The following CBLN2 variants were observed in gnomAD, a reference collection of about 807,000 sequenced individuals.
CBLN2 encodes the protein cerebellin 2 precursor, also known as cerebellin-2.
A neutral mutation model predicts 15.0 loss-of-function variants in CBLN2; 7 were observed. The observed-to-expected ratio is 0.47, with a 90% CI of 0.27 to 0.88. CBLN2 has a LOEUF of 0.88. Among genes scored for constraint, CBLN2 ranks in the 40% least tolerant of loss-of-function variants. CBLN2 has a pLI of 0.14. For missense variants in CBLN2, 242 were observed against 304.5 expected, an observed-to-expected ratio of 0.79 and a Z score of 1.53; for synonymous variants, 149 against 135.2, an observed-to-expected ratio of 1.10 and a Z score of -0.71.
chr18:72,591,781 A>G (rs1471329663), intron 1 of CBLN2, among the ~76,000 whole-genome samples: 3 of 152,148 alleles, frequency 2.0e-5, no homozygotes, highest in East Asian at 1.9e-4. Flanking sequence ...ATTTCACTTA[A>G]CGTAATCTTC....
chr18:72,573,374 A>C (rs1454678852), intron 1 of CBLN2, among the ~76,000 whole-genome samples: 1 of 152,206 alleles, frequency 6.6e-6, no homozygotes, highest in Non-Finnish European at 1.5e-5. Flanking sequence ...AAACAGTAGG[A>C]GTGTCACACA....
chr18:72,614,908 T>G (rs1471259344), intron 1 of CBLN2, among the ~76,000 whole-genome samples: 1 of 150,930 alleles, frequency 6.6e-6, no homozygotes, highest in African/African-American at 2.4e-5. Context: ...AACATAGTTA[T>G]GTATTACAAG....
At chr18:72,635,042 T>A (rs542737736) in intron 1 of CBLN2, among the ~76,000 whole-genome samples, 1 of 152,318 alleles carries the variant, frequency 6.6e-6, no homozygotes, top group Admixed American at 6.5e-5. Flanking sequence ...ATGGGTTGTC[T>A]GAGCAATGCC....
rs1169851043 is a variant in CBLN2, at chr18:72,625,698, CTATA to C, written c.15+12623_15+12626del. Among the ~76,000 whole-genome samples the C allele has an allele frequency of 2.0e-3, 94 of 46,594 alleles. No individual in the cohort carries two copies. The East Asian group carries it at 0.028, about 14-fold the overall frequency. The allele number at this position is 46,594 out of a possible 152,430, so 30.6% of individuals were successfully genotyped here. On this transcript the variant is annotated intron_variant, in intron 1 of 2. Coordinates refer to the CBLN2 transcript ENST00000581073. ...TATAGTATTATTATATATAGTATTA[CTATA>C]TATATATATATATATATATATATAC... is the stretch of plus-strand genomic sequence containing the variant.
chr18:72,537,664 G>C lies in CBLN2; in HGVS notation c.*512C>G, dbSNP rs1166505435. 1 of 154,310 alleles carries C rather than the reference G, an allele frequency of 6.5e-6. No individual in the cohort carries two copies. Among genetic ancestry groups the C allele is most frequent in the Non-Finnish European group, 1.4e-5 (1 of 69,284 alleles). The allele number at this position is 154,310 out of a possible 1,614,324, so 9.6% of individuals were successfully genotyped here. A position where few individuals can be genotyped will look rare whatever the true frequency, so the allele number is the denominator to read the frequency against. ...CAAGTCCTCCCAGCCACATGGTGGG[G>C]GGAAGAATACAGAATGAAAGTGAAG... On this transcript the variant is annotated 3_prime_UTR_variant, in exon 5 of 5. Coordinates refer to ENST00000269503, the MANE Select transcript of CBLN2 (RefSeq NM_182511.4).
At chr18:72,554,549 A>G (rs2069211873) in intron 1 of CBLN2, among the ~76,000 whole-genome samples, 1 of 152,104 alleles carries the variant, frequency 6.6e-6, no homozygotes, top group African/African-American at 2.4e-5. Context: ...CACGTATCAT[A>G]ACACCATATT....
intron 1 of CBLN2, among the ~76,000 whole-genome samples, chr18:72,562,442 T>C (rs2069267854): frequency 6.6e-6 from 1 of 152,172 alleles, no homozygotes; most frequent in Non-Finnish European, 1.5e-5. Context: ...GAATGTTTTC[T>C]CTCCTCCAGA....
chr18:72,625,636 G>A (rs1326519736), intron 1 of CBLN2, among the ~76,000 whole-genome samples: 2 of 142,806 alleles, frequency 1.4e-5, no homozygotes, highest in Non-Finnish European at 3.0e-5. Flanking sequence ...TAAATATACA[G>A]TATTACTCTA....
chr18:72,547,603 T>G (rs2069166745), upstream of CBLN2, among the ~76,000 whole-genome samples: 1 of 152,142 alleles, frequency 6.6e-6, no homozygotes, highest in African/African-American at 2.4e-5. Flanking sequence ...GCTACAGGTA[T>G]GATTTTAAGG....
intron 1 of CBLN2, among the ~76,000 whole-genome samples, chr18:72,609,835 G>A (rs562657665): frequency 3.3e-5 from 5 of 152,266 alleles, no homozygotes; most frequent in African/African-American, 1.2e-4. Context: ...TCACTAGCTG[G>A]TGTACAAAGC....
At chr18:72,591,371 G>T (rs997827298) in intron 1 of CBLN2, among the ~76,000 whole-genome samples, 2 of 151,932 alleles carry the variant, frequency 1.3e-5, no homozygotes, top group African/African-American at 4.8e-5. Context: ...ATTTATGTAG[G>T]TATGTGGTAA....
intron 3 of CBLN2, among the ~76,000 whole-genome samples, chr18:72,541,122 C>T (rs1404087621): frequency 2.0e-5 from 3 of 152,136 alleles, no homozygotes; most frequent in East Asian, 3.8e-4. Flanking sequence ...CTTAAGGTGA[C>T]GTAAGTCACT....
At chr18:72,586,233 T>C (rs766896343) in intron 1 of CBLN2, among the ~76,000 whole-genome samples, 2 of 152,238 alleles carry the variant, frequency 1.3e-5, no homozygotes, top group Non-Finnish European at 2.9e-5. Context: ...CTGTTGTGGC[T>C]ATCAAAATTA....
chr18:72,617,183 C>T (rs1330647330), intron 1 of CBLN2, among the ~76,000 whole-genome samples: 1 of 152,098 alleles, frequency 6.6e-6, no homozygotes, highest in Non-Finnish European at 1.5e-5. Context: ...AAACCTTTGG[C>T]AAGAGAGATT....
intron 1 of CBLN2, among the ~76,000 whole-genome samples, chr18:72,584,085 C>T (rs549741817): frequency 1.9e-4 from 29 of 152,292 alleles, no homozygotes; most frequent in African/African-American, 4.3e-4. Context: ...TCTGTTTGTG[C>T]GTTCAAAGCA....
In CBLN2 at chr18:72,625,843, T is replaced by TAG. The variant is rs1555673574; in HGVS notation, c.15+12480_15+12481dup. Among the ~76,000 whole-genome samples, 114 of 137,902 alleles carry TAG rather than the reference T, an allele frequency of 8.3e-4. 1 individual carries two copies. Among genetic ancestry groups the TAG allele is most frequent in the Non-Finnish European group, 1.5e-3 (96 of 64,078 alleles). 90.5% of individuals were successfully genotyped at this position (137,902 alleles called of 152,430 possible). Reference sequence around the variant, plus strand: ...CTATATATATATATATATATATATATAGTACACACACACATATACTCTTGT... The same window carrying TAG: ...CTATATATATATATATATATATATATAGAGTACACACACACATATACTCTTGT... On this transcript the variant is annotated intron_variant, in intron 1 of 2. Transcript: ENST00000581073.
intron 1 of CBLN2, among the ~76,000 whole-genome samples, chr18:72,630,381 C>T (rs185771851): frequency 1.3e-5 from 2 of 151,984 alleles, no homozygotes; most frequent in Admixed American, 6.6e-5. Context: ...CATTACACAG[C>T]GGACTTCCTA....
At chr18:72,614,841 G>T (rs970444315) in intron 1 of CBLN2, among the ~76,000 whole-genome samples, 2 of 151,502 alleles carry the variant, frequency 1.3e-5, no homozygotes, top group Non-Finnish European at 2.9e-5. Context: ...GTTTCAGGAA[G>T]ATCTATCTTT....
At chr18:72,623,292 C>T (rs1022125717) in intron 1 of CBLN2, among the ~76,000 whole-genome samples, 1 of 152,130 alleles carries the variant, frequency 6.6e-6, no homozygotes, top group African/African-American at 2.4e-5. Context: ...CTGGTAAACA[C>T]TTAATTGATT....
Sources: allele counts gnomAD v4.1 joint callset (sites outside exome capture counted in the v4.1 genomes callset), GRCh38; gene constraint gnomAD v4.1.1; transcripts MANE v1.5; gene names NCBI Gene and HGNC (gene_info 2026-07-23, HGNC 2026-07-21).